Variants in CASP2 observed in about 807,000 individuals in gnomAD.
The protein encoded by CASP2 is caspase 2.
CASP2 carries 38 observed loss-of-function variants against 54.4 expected under a neutral mutation model. That is an observed-to-expected ratio of 0.70 (90% confidence interval 0.54 to 0.92). The LOEUF is 0.92. CASP2 is among the 40% of genes least tolerant of loss of function. The pLI, the probability that CASP2 is intolerant of heterozygous loss-of-function variation, is 0.00. For synonymous variants in CASP2, 215 were observed against 216.3 expected (o/e 0.99, Z 0.05); for missense variants, 512 against 579.6 (o/e 0.88, Z 1.20).
intron 3 of CASP2, 47 bp downstream of exon 3, chr7:143,292,514 T>A: frequency 6.2e-7 from 1 of 1,608,886 alleles, no homozygotes; most frequent in Admixed American, 1.7e-5. Context: ...TTAGTTTGAC[T>A]GGAAAGGAAT....
chr7:143,295,054 G>A (rs1315189193), intron 6 of CASP2, among the ~76,000 whole-genome samples: 1 of 150,012 alleles, frequency 6.7e-6, no homozygotes, highest in Non-Finnish European at 1.5e-5. Flanking sequence ...TAAAGACAGA[G>A]TTTAGCTCTG....
intron 9 of CASP2, 123 bp from the exon 10 acceptor site, chr7:143,304,551 A>G: frequency 1.3e-6 from 1 of 787,978 alleles, no homozygotes; most frequent in Non-Finnish European, 2.3e-6. Flanking sequence ...ACCCTCCTAG[A>G]CTTAGATTCT....
chr7:143,303,296 G>A (rs1173337814), intron 8 of CASP2: 1 of 153,666 alleles, frequency 6.5e-6, no homozygotes, highest in African/African-American at 2.4e-5. Context: ...TCGAGGTTGT[G>A]ATTTTTATAT....
chr7:143,289,144 C>T (rs759702667), intron 1 of CASP2, among the ~76,000 whole-genome samples: 28 of 152,170 alleles, frequency 1.8e-4, no homozygotes, highest in Non-Finnish European at 1.0e-4. Flanking sequence ...CATTGTAATG[C>T]CTCCTGCTCG....
intron 8 of CASP2, chr7:143,302,191 TCTC>T (rs1047955828): frequency 2.6e-5 from 4 of 152,106 alleles, no homozygotes; most frequent in African/African-American, 4.8e-5. Flanking sequence ...AGAGAGGAAT[TCTC>T]CTTTCTCTTT....
chr7:143,304,244 T>A (rs1367930659), intron 9 of CASP2, among the ~76,000 whole-genome samples: 1 of 152,202 alleles, frequency 6.6e-6, no homozygotes, highest in African/African-American at 2.4e-5. Flanking sequence ...CTCAGCTGCT[T>A]TTTACAAATT....
At position 143,292,983 on chromosome 7, in the gene CASP2, C is replaced by T. The variant is rs3181315; in HGVS notation, c.475+285C>T. Reference sequence around the variant, plus strand: ...CCAACACGGTGCCACCGCACTCCAGCCTTGCCAACAGAGTGAGACTCAGTC... The same window carrying T: ...CCAACACGGTGCCACCGCACTCCAGTCTTGCCAACAGAGTGAGACTCAGTC... On this transcript the variant is annotated intron_variant, in intron 4 of 10. Transcript: ENST00000310447. 3.3e-5 allele frequency among the ~76,000 whole-genome samples: 5 copies of T among 152,090 alleles called. No homozygotes were observed. The East Asian group carries it at 5.8e-4, about 18-fold the overall frequency.
chr7:143,299,787 C>T, intron 6 of CASP2, 136 bp from the exon 7 acceptor site: 2 of 952,434 alleles, frequency 2.1e-6, no homozygotes, highest in South Asian at 2.8e-5. Context: ...AAGGTCTCTT[C>T]TTTTATCATT....
At chr7:143,299,102 A>T (rs942780162) in intron 6 of CASP2, among the ~76,000 whole-genome samples, 6 of 151,998 alleles carry the variant, frequency 3.9e-5, no homozygotes, top group African/African-American at 1.4e-4. Flanking sequence ...TGGGACTATA[A>T]GCATGCACCA....
chr7:143,300,487 A>T (rs767378860), intron 8 of CASP2, 193 bp downstream of exon 8: 2 of 1,591,404 alleles, frequency 1.3e-6, no homozygotes, highest in South Asian at 2.2e-5. Flanking sequence ...TGGGCAGCCC[A>T]TGGCTCTCAG....
chr7:143,300,403 C>T (rs751426739), intron 8 of CASP2, 109 bp downstream of exon 8: 1 of 1,599,496 alleles, frequency 6.3e-7, no homozygotes, highest in South Asian at 1.1e-5. Context: ...CCTTGGGCAC[C>T]TCCTTCTGTT....
At position 143,303,832 on chromosome 7, in the gene CASP2, G is replaced by A. The variant is rs761835435; in HGVS notation, c.1016G>A (p.Gly339Glu). 4.3e-6 allele frequency: 7 copies of A among 1,613,938 alleles called. No homozygotes were observed. The South Asian group carries it at 6.6e-5, about 15-fold the overall frequency. ...VDQQDGKNHA[G>E]SPGCEESDAG... ...CAACAAGATGGAAAGAACCACGCAG[G>A]ATCCCCTGGGTGCGAGGAGAGTGAT... The change falls in exon 9 of 11, where the codon GGA (glycine) becomes GAA (glutamate). Residue 339 changes from glycine to glutamate, a missense_variant. By Grantham distance (98) the Gly-to-Glu change is moderately conservative (BLOSUM62 -2). Coordinates refer to ENST00000310447, the MANE Select transcript of CASP2 (RefSeq NM_032982.4).
Position 143,299,444 on chromosome 7 carries a change from G to A in CASP2, c.748-479G>A, listed in dbSNP as rs534290012. On this transcript the variant is annotated intron_variant, in intron 6 of 10. Transcript: ENST00000310447. ...CTCTTGGACACTTAGAATCTTAGAA[G>A]ACAACATACAAGTATTGCTATTCTC... is the stretch of plus-strand genomic sequence containing the variant. Among the ~76,000 whole-genome samples, 21 of 152,288 alleles carry A rather than the reference G, an allele frequency of 1.4e-4. No homozygotes were observed. The South Asian group carries it at 2.9e-3, about 21-fold the overall frequency.
In CASP2 at chr7:143,292,701, G is replaced by A. The variant is rs377134384; in HGVS notation, c.475+3G>A. ...CAAGAAGCTCCGCCTGTCGACAGGT[G>A]AGAATTGATGGACTAAAAGGGGTCC... On this transcript the variant is annotated splice_donor_region_variant and intron_variant, in intron 4 of 10. Transcript: ENST00000310447. 19 of 1,610,972 alleles carry A rather than the reference G, an allele frequency of 1.2e-5. No homozygotes were observed. Among genetic ancestry groups the A allele is most frequent in the Non-Finnish European group, 1.5e-5 (18 of 1,178,794 alleles).
At chr7:143,293,242 C>T (rs1191848555) in intron 4 of CASP2, 1 of 537,044 alleles carries the variant, frequency 1.9e-6, no homozygotes, top group Non-Finnish European at 3.3e-6. Context: ...CTCCTCCTGC[C>T]TCAGCCTCCC....
intron 1 of CASP2, 87 bp downstream of exon 1, chr7:143,288,616 C>A (rs1421796104): frequency 1.7e-6 from 2 of 1,202,302 alleles, no homozygotes; most frequent in Non-Finnish European, 2.4e-6. Context: ...CAGCCCCCTC[C>A]CCTCGGAGCC....
chr7:143,292,668 C>T lies in CASP2; in HGVS notation c.445C>T (p.Pro149Ser), dbSNP rs1379444539. 1 of 1,613,052 alleles carries T rather than the reference C, an allele frequency of 6.2e-7. No individual in the cohort carries two copies. Among genetic ancestry groups the T allele is most frequent in the East Asian group, 2.2e-5 (1 of 44,880 alleles). The change falls in exon 4 of 11, where the codon CCC (proline) becomes TCC (serine). Residue 149 changes from proline to serine, a missense_variant. Pro to Ser is a moderately conservative substitution (Grantham distance 74). Around this residue, in one of 3 missense-constraint regions of CASP2, gnomAD observed 417 missense variants for 495.4 expected, o/e 0.84. Transcript: ENST00000310447. ...SLPFPVCESC[P>S]LYKKLRLSTD... is the part of the protein sequence containing the mutation. ...CCCTTTTCCGGTGTGTGAGTCCTGT[C>T]CCCTTTACAAGAAGCTCCGCCTGTC...
chr7:143,304,077 G>A, intron 9 of CASP2, 144 bp downstream of exon 9: 1 of 826,124 alleles, frequency 1.2e-6, no homozygotes, highest in Non-Finnish European at 2.0e-6. Flanking sequence ...TTGTTTTTTT[G>A]GATTTTGGAA....
intron 8 of CASP2, chr7:143,301,326 C>G (rs1334281842): frequency 6.6e-6 from 1 of 151,960 alleles, no homozygotes. Flanking sequence ...TCATCCTGAT[C>G]TAGTATTACC....
Sources: gnomAD v4.1 joint callset for allele counts (sites outside exome capture counted in the v4.1 genomes callset) on GRCh38, gnomAD v4.1.1 for gene constraint, gnomAD v4.1.1 regional missense constraint, MANE v1.5 for transcripts, NCBI Gene and HGNC (gene_info 2026-07-23, HGNC 2026-07-21) for gene names.